The following EBF1 variants were observed in gnomAD, a reference collection of about 807,000 sequenced individuals.
The protein encoded by EBF1 is transcription factor COE1.
Under a neutral mutation model 68.4 loss-of-function variants are expected in EBF1, and 10 were observed. The ratio of observed to expected loss-of-function variants is 0.15; its 90% CI spans 0.09 to 0.25. The LOEUF is 0.25. Among genes scored for constraint, EBF1 ranks in the 10% least tolerant of loss-of-function variants. The pLI is 1.00. For synonymous variants in EBF1, 298 were observed against 299.8 expected, an observed-to-expected ratio of 0.99 and a Z score of 0.06; for missense variants, 509 against 794.4, an observed-to-expected ratio of 0.64 and a Z score of 4.32.
chr5:158,857,997 T>C (rs888594280), intron 6 of EBF1, among the ~76,000 whole-genome samples: 8 of 152,164 alleles, frequency 5.3e-5, no homozygotes, highest in Non-Finnish European at 1.2e-4. Context: ...TCTGCAGAAA[T>C]GTGTTAAAAC....
At chr5:158,820,542 T>C (rs1784620684) in intron 8 of EBF1, among the ~76,000 whole-genome samples, 1 of 152,208 alleles carries the variant, frequency 6.6e-6, no homozygotes, top group Non-Finnish European at 1.5e-5. Context: ...AGCAGATTTC[T>C]ATGCTATTGT....
chr5:158,914,262 G>C (rs1383732972), intron 6 of EBF1, among the ~76,000 whole-genome samples: 1 of 152,122 alleles, frequency 6.6e-6, no homozygotes, highest in African/African-American at 2.4e-5. Flanking sequence ...CCTGGATCAG[G>C]GAAGGTGCTT....
At chr5:159,048,412 G>A (rs143205891) in intron 6 of EBF1, among the ~76,000 whole-genome samples, 1 of 152,084 alleles carries the variant, frequency 6.6e-6, no homozygotes, top group South Asian at 2.1e-4. Context: ...TTCCTTCCAC[G>A]GCATGCCAAC....
At chr5:158,718,745 G>T (rs1399455426) in intron 11 of EBF1, among the ~76,000 whole-genome samples, 1 of 152,112 alleles carries the variant, frequency 6.6e-6, no homozygotes. Context: ...TGTTCTATCA[G>T]AAATAATTCC....
chr5:158,937,559 G>A (rs1017667615), intron 6 of EBF1, among the ~76,000 whole-genome samples: 2 of 152,214 alleles, frequency 1.3e-5, no homozygotes, highest in Non-Finnish European at 2.9e-5. Flanking sequence ...TCAGGGTCAC[G>A]CAAAGGGGTA....
intron 6 of EBF1, among the ~76,000 whole-genome samples, chr5:158,900,251 A>G (rs1043987669): frequency 9.9e-5 from 15 of 152,188 alleles, no homozygotes; most frequent in African/African-American, 3.1e-4. Context: ...GCATATGTGA[A>G]TGTATCTTCA....
At chr5:159,081,360 T>C (rs1256378956) in intron 5 of EBF1, among the ~76,000 whole-genome samples, 1 of 152,252 alleles carries the variant, frequency 6.6e-6, no homozygotes, top group Non-Finnish European at 1.5e-5. Context: ...TCTCTTATTA[T>C]GTCTAATTTA....
At chr5:159,024,061 T>C (rs1431314655) in intron 6 of EBF1, among the ~76,000 whole-genome samples, 1 of 152,100 alleles carries the variant, frequency 6.6e-6, no homozygotes, top group Non-Finnish European at 1.5e-5. Context: ...GCCAGAACCT[T>C]ATCTCCTAAG....
chr5:158,771,428 G>A (rs1317580168), intron 10 of EBF1, among the ~76,000 whole-genome samples: 1 of 152,018 alleles, frequency 6.6e-6, no homozygotes, highest in Admixed American at 6.6e-5. Flanking sequence ...AGTAGAAAGG[G>A]ACAGATTCTT....
intron 8 of EBF1, among the ~76,000 whole-genome samples, chr5:158,818,753 T>A (rs1784229536): frequency 6.6e-6 from 1 of 152,206 alleles, no homozygotes; most frequent in Non-Finnish European, 1.5e-5. Flanking sequence ...TTCAATCATT[T>A]TCCATTTTTA....
At chr5:158,868,659 C>T (rs1357475151) in intron 6 of EBF1, among the ~76,000 whole-genome samples, 1 of 152,184 alleles carries the variant, frequency 6.6e-6, no homozygotes, top group Admixed American at 6.5e-5. Context: ...CACACAGCCA[C>T]ACATGGTGTG....
intron 10 of EBF1, among the ~76,000 whole-genome samples, chr5:158,776,899 T>C (rs1278374821): frequency 6.6e-6 from 1 of 152,208 alleles, no homozygotes; most frequent in Non-Finnish European, 1.5e-5. Flanking sequence ...TCTGAAACCC[T>C]AGCTTCTTGC....
intron 11 of EBF1, among the ~76,000 whole-genome samples, chr5:158,718,361 A>G (rs1190873429): frequency 6.6e-6 from 1 of 152,144 alleles, no homozygotes; most frequent in Non-Finnish European, 1.5e-5. Flanking sequence ...GCCTAGAAGT[A>G]AAACATTTGG....
chr5:158,935,320 AC>A (rs1414528729), intron 6 of EBF1, among the ~76,000 whole-genome samples: 1 of 152,200 alleles, frequency 6.6e-6, no homozygotes. Flanking sequence ...GTCCAGAGGC[AC>A]CAAGGAGCTG....
intron 9 of EBF1, among the ~76,000 whole-genome samples, chr5:158,792,384 G>T (rs1238235387): frequency 6.6e-6 from 1 of 152,130 alleles, no homozygotes; most frequent in Non-Finnish European, 1.5e-5. Flanking sequence ...CACCCCTCAG[G>T]GGGTGATCCA....
intron 6 of EBF1, among the ~76,000 whole-genome samples, chr5:158,895,492 A>G (rs1328349565): frequency 6.6e-6 from 1 of 152,240 alleles, no homozygotes; most frequent in Non-Finnish European, 1.5e-5. Flanking sequence ...TACATGTATT[A>G]TCTCATTTAA....
chr5:159,027,686 G>A (rs906919558), intron 6 of EBF1, among the ~76,000 whole-genome samples: 1 of 152,188 alleles, frequency 6.6e-6, no homozygotes, highest in African/African-American at 2.4e-5. Context: ...GTCACTGCCT[G>A]ACTTCTCAGC....
intron 6 of EBF1, among the ~76,000 whole-genome samples, chr5:159,008,167 TA>T (rs1763939360): frequency 6.6e-6 from 1 of 152,146 alleles, no homozygotes; most frequent in Non-Finnish European, 1.5e-5. Flanking sequence ...CAAAAAAAAG[TA>T]AAATAAAATG....
At position 158,912,288 on chromosome 5, in the gene EBF1, A is replaced by G. The variant is rs562972158; in HGVS notation, c.555-72178T>C. Among the ~76,000 whole-genome samples, 9 of 152,350 alleles carry G rather than the reference A, an allele frequency of 5.9e-5. No individual in the cohort carries two copies. In the East Asian group the frequency reaches 1.3e-3, roughly 23 times the overall value. On this transcript the variant is annotated intron_variant, in intron 6 of 15. Transcript: ENST00000313708. ...CCCAGGGACTTACCCACCAAAGTTC[A>G]AGTTCCAGAATGTAGTGGATGCTTA...
Sources: gnomAD v4.1 joint callset for allele counts (sites outside exome capture counted in the v4.1 genomes callset) on GRCh38, gnomAD v4.1.1 for gene constraint, MANE v1.5 for transcripts, NCBI Gene and HGNC (gene_info 2026-07-23, HGNC 2026-07-21) for gene names.